The following ZDHHC20 variants were observed in gnomAD, a reference collection of about 807,000 sequenced individuals.
ZDHHC20 encodes the protein palmitoyltransferase ZDHHC20.
ZDHHC20 carries 43 observed loss-of-function variants against 57.8 expected under a neutral mutation model. The observed-to-expected ratio is 0.74, with a 90% CI of 0.58 to 0.96. ZDHHC20 has a LOEUF of 0.96. Among genes scored for constraint, ZDHHC20 ranks in the 40% least tolerant of loss-of-function variants. ZDHHC20 has a pLI of 0.00. For synonymous variants in ZDHHC20, 157 were observed against 153.0 expected, an observed-to-expected ratio of 1.03 and a Z score of -0.19; for missense variants, 391 against 441.1, an observed-to-expected ratio of 0.89 and a Z score of 1.02.
rs991497260 is a variant in ZDHHC20, at chr13:21,446,851, T to C, written c.118+12203A>G. The stretch of plus-strand genomic sequence containing the variant: ...CTCCCACACCTCTGTCTATAGAAAA[T>C]AGATTTCTTAAGCTAGAGATAAAAT... On this transcript the variant is annotated intron_variant, in intron 1 of 12. Transcript: ENST00000400590. Among the ~76,000 whole-genome samples, 6 of 152,040 alleles carry C rather than the reference T, an allele frequency of 3.9e-5. No individual in the cohort carries two copies. In the East Asian group the frequency reaches 7.7e-4, roughly 20 times the overall value.
rs1305126655 is a variant in ZDHHC20 at position 21,373,726 on chromosome 13, C to T, written c.*2970G>A. 1 of 152,202 alleles carries T rather than the reference C, an allele frequency of 6.6e-6. No individual in the cohort carries two copies. The highest frequency in any genetic ancestry group is 6.5e-5 in the Admixed American group (1 of 15,278). 9.4% of individuals were successfully genotyped at this position (152,202 alleles called of 1,614,324 possible). A position where few individuals can be genotyped will look rare whatever the true frequency, so the allele number is the denominator to read the frequency against. On this transcript the variant is annotated 3_prime_UTR_variant, in exon 13 of 13. Transcript: ENST00000400590. The stretch of plus-strand genomic sequence containing the variant: ...CAAAGATAGTACTTCTAAAATTTGA[C>T]AGGGCTTCATTTTGATTTTTTCTCC...
At chr13:21,378,810 G>A in intron 11 of ZDHHC20, 72 bp from the exon 12 acceptor site, 2 of 872,070 alleles carry the variant, frequency 2.3e-6, no homozygotes, top group Non-Finnish European at 3.2e-6. Flanking sequence ...CTGGCTAAAT[G>A]GTAAAATGAC....
At chr13:21,385,299 C>T (rs1050268844) in intron 9 of ZDHHC20, among the ~76,000 whole-genome samples, 10 of 152,142 alleles carry the variant, frequency 6.6e-5, no homozygotes, top group South Asian at 4.1e-4. Context: ...TGTGGTGTTA[C>T]GCACCGGTAA....
chr13:21,403,059 A>G (rs1293772263), intron 4 of ZDHHC20, among the ~76,000 whole-genome samples, 193 bp from the exon 5 acceptor site: 1 of 152,230 alleles, frequency 6.6e-6, no homozygotes, highest in Non-Finnish European at 1.5e-5. Flanking sequence ...AAAAGAGAAC[A>G]TCAGAATGTA....
At chr13:21,428,332 T>A (rs1881518355) in intron 1 of ZDHHC20, among the ~76,000 whole-genome samples, 1 of 151,974 alleles carries the variant, frequency 6.6e-6, no homozygotes, top group South Asian at 2.1e-4. Context: ...GCAATTCTCC[T>A]GCCTCAACCT....
At chr13:21,407,540 T>C (rs189643402) in intron 4 of ZDHHC20, among the ~76,000 whole-genome samples, 5 of 152,342 alleles carry the variant, frequency 3.3e-5, no homozygotes, top group Admixed American at 6.5e-5. Flanking sequence ...GTCAGATGGA[T>C]AGATTGCAAA....
In ZDHHC20 at chr13:21,402,843, G is replaced by A; in HGVS notation, c.394C>T (p.Gln132Ter). 6.3e-7 allele frequency: 1 copy of A among 1,596,548 alleles called. No individual in the cohort carries two copies. Among genetic ancestry groups the A allele is most frequent in the South Asian group, 1.1e-5 (1 of 87,668 alleles). ...TGCGCCCGATCAGGTTTAATCAGCT[G>A]ACATTTTTCACAATATCTGATAGCT... ...SKTIRYCEKC[Q>*]LIKPDRAHHC... is the part of the protein sequence containing the mutation. Residue 132 changes from glutamine to a stop codon, truncating the protein, a stop_gained, in exon 5 of 13, where the codon CAG becomes TAG. Transcript: ENST00000400590. LOFTEE classifies it high-confidence loss of function.
At chr13:21,411,043 G>A (rs1230852243) in intron 4 of ZDHHC20, among the ~76,000 whole-genome samples, 2 of 152,202 alleles carry the variant, frequency 1.3e-5, no homozygotes, top group African/African-American at 4.8e-5. Flanking sequence ...CGTGGGAAAA[G>A]CATAGTGTCT....
intron 3 of ZDHHC20, among the ~76,000 whole-genome samples, chr13:21,416,628 A>G (rs1366291694): frequency 1.3e-5 from 2 of 152,218 alleles, no homozygotes; most frequent in Non-Finnish European, 2.9e-5. Context: ...ACAAGGTATG[A>G]TAAAAGCTCC....
At chr13:21,420,322 T>C (rs1471683294) in intron 3 of ZDHHC20, among the ~76,000 whole-genome samples, 1 of 152,164 alleles carries the variant, frequency 6.6e-6, no homozygotes, top group Non-Finnish European at 1.5e-5. Flanking sequence ...CATGCATGTT[T>C]TAACTGAATA....
intron 7 of ZDHHC20, among the ~76,000 whole-genome samples, chr13:21,398,009 C>A (rs1341993770): frequency 6.6e-6 from 1 of 152,156 alleles, no homozygotes; most frequent in Non-Finnish European, 1.5e-5. Flanking sequence ...CATGTATTTA[C>A]ACTATTTATT....
chr13:21,414,618 G>A (rs1011004671), intron 3 of ZDHHC20, among the ~76,000 whole-genome samples: 6 of 148,250 alleles, frequency 4.0e-5, no homozygotes, highest in East Asian at 2.0e-4. Context: ...TGATCTGCCC[G>A]CCTTGGCCTC....
At chr13:21,379,191 A>T (rs981305128) in intron 11 of ZDHHC20, among the ~76,000 whole-genome samples, 2 of 152,262 alleles carry the variant, frequency 1.3e-5, no homozygotes, top group Non-Finnish European at 2.9e-5. Context: ...ACAACAAAAA[A>T]ACCTCAGAAA....
chr13:21,395,502 T>C (rs960734577), intron 7 of ZDHHC20, among the ~76,000 whole-genome samples: 1 of 147,390 alleles, frequency 6.8e-6, no homozygotes, highest in Admixed American at 6.7e-5. Context: ...TTTTCTTTTT[T>C]TTTTTTTTTT....
chr13:21,382,870 A>T, intron 10 of ZDHHC20, 50 bp downstream of exon 10: 3 of 1,417,910 alleles, frequency 2.1e-6, no homozygotes, highest in South Asian at 2.5e-5. Context: ...ACACATGTAT[A>T]CGGTTTGCTT....
chr13:21,372,884 A>G lies in ZDHHC20; in HGVS notation c.*3812T>C, dbSNP rs1352659222. 1.3e-5 allele frequency: 2 copies of G among 152,214 alleles called. No individual in the cohort carries two copies. Among genetic ancestry groups the G allele is most frequent in the Non-Finnish European group, 1.5e-5 (1 of 68,006 alleles). 9.4% of individuals were successfully genotyped at this position (152,214 alleles called of 1,614,324 possible). On this transcript the variant is annotated 3_prime_UTR_variant, in exon 13 of 13. Coordinates refer to ENST00000400590, the MANE Select transcript of ZDHHC20 (RefSeq NM_001330059.2). Reference sequence around the variant, plus strand: ...TAGACTCATTTGCAGTCATGTACAAATATACCTAATAGCTTTCTTCATCTT... The same window carrying G: ...TAGACTCATTTGCAGTCATGTACAAGTATACCTAATAGCTTTCTTCATCTT...
At chr13:21,456,039 G>T (rs762354496) in intron 1 of ZDHHC20, among the ~76,000 whole-genome samples, 39 of 152,220 alleles carry the variant, frequency 2.6e-4, no homozygotes, top group Non-Finnish European at 5.4e-4. Flanking sequence ...AAGATTAAAT[G>T]AATTAATACA....
chr13:21,397,627 C>G (rs1311579742), intron 7 of ZDHHC20, among the ~76,000 whole-genome samples: 4 of 152,042 alleles, frequency 2.6e-5, no homozygotes, highest in Non-Finnish European at 4.4e-5. Context: ...CACCACTGCA[C>G]TCCAGCCTGG....
rs144601297 is a variant in ZDHHC20 at position 21,423,892 on chromosome 13, G to C, written c.145+1760C>G. Among the ~76,000 whole-genome samples, 417 of 151,848 alleles carry C rather than the reference G, an allele frequency of 2.7e-3. 2 individuals carry two copies. Among genetic ancestry groups the C allele is most frequent in the African/African-American group, 9.8e-3 (405 of 41,446 alleles). On this transcript the variant is annotated intron_variant, in intron 2 of 12. Transcript: ENST00000400590. ...CTAGACCCCATATTAAATCAGGCTT[G>C]TTGTTCCTCATCTATACACTATCAT...
Sources: allele counts gnomAD v4.1 joint callset (sites outside exome capture counted in the v4.1 genomes callset), GRCh38; gene constraint gnomAD v4.1.1; transcripts MANE v1.5; gene names NCBI Gene and HGNC (gene_info 2026-07-23, HGNC 2026-07-21).